Variants in ATRIP observed in about 807,000 individuals in gnomAD.
The protein encoded by ATRIP is ATR interacting protein.
ATRIP carries 44 observed loss-of-function variants against 78.1 expected under a neutral mutation model. That is an observed-to-expected ratio of 0.56 (90% confidence interval 0.44 to 0.72). ATRIP has a LOEUF of 0.72. ATRIP is among the 30% of genes least tolerant of loss of function. The pLI, the probability that ATRIP is intolerant of heterozygous loss-of-function variation, is 0.00. For synonymous variants in ATRIP, 388 were observed against 408.9 expected (o/e 0.95, Z 0.62); for missense variants, 927 against 980.2 (o/e 0.95, Z 0.72).
rs2039708014 is a variant in ATRIP at position 48,447,423 on chromosome 3, G to A, written c.247+331G>A. 3.9e-6 allele frequency: 4 copies of A among 1,035,320 alleles called. No individual in the cohort carries two copies. The Admixed American group carries it at 1.7e-4, about 44-fold the overall frequency. 64.1% of individuals were successfully genotyped at this position (1,035,320 alleles called of 1,614,324 possible). ...CACCATCAGAACCATCACTACCCAT[G>A]CATGGGGACCCATTCTTGTGACAAG... On this transcript the variant is annotated intron_variant, in intron 1 of 12. Coordinates refer to ENST00000320211, the MANE Select transcript of ATRIP (RefSeq NM_130384.3).
Position 48,460,152 on chromosome 3 carries a change from T to C in ATRIP, c.1098T>C (p.Tyr366=), listed in dbSNP as rs201840650. ...CAGGCCTCAGGACCACAGGTTCTTATGATGGGTCATTTTCCCTCTCAGCCC... is the reference window on the plus strand; with the variant it reads ...CAGGCCTCAGGACCACAGGTTCTTACGATGGGTCATTTTCCCTCTCAGCCC... ...GMSGLRTTGS[Y]DGSFSLSALR... is the part of the protein sequence containing the mutation. Residue 366 remains tyrosine (Y), a synonymous_variant, in exon 8 of 13, where the codon TAT becomes TAC. Transcript: ENST00000320211. 6.2e-6 allele frequency: 10 copies of C among 1,613,696 alleles called. No homozygotes were observed. Among genetic ancestry groups the C allele is most frequent in the African/African-American group, 1.3e-5 (1 of 74,918 alleles).
At position 48,464,894 on chromosome 3, in the gene ATRIP, C is replaced by G. The variant is rs778863017; in HGVS notation, c.2119C>G (p.Pro707Ala). ...GCTGACAGTGCGGAGGGCAGGGGGA[C>G]CCCCAAGGACCGACCAGCAGAGGCG... The part of the protein sequence containing the change: ...QWLTVRRAGG[P>A]PRTDQQRRTV... Residue 707 changes from proline (P) to alanine (A), a missense_variant, in exon 12 of 13, where the codon CCC (proline) becomes GCC (alanine). Pro to Ala is a conservative substitution (Grantham distance 27). Coordinates refer to ENST00000320211, the MANE Select transcript of ATRIP (RefSeq NM_130384.3). 6.2e-7 allele frequency: 1 copy of G among 1,613,972 alleles called. No homozygotes were observed. Among genetic ancestry groups the G allele is most frequent in the Non-Finnish European group, 8.5e-7 (1 of 1,179,932 alleles).
In ATRIP at chr3:48,465,619, T is replaced by C. The variant is rs1348398694; in HGVS notation, c.*65T>C. On this transcript the variant is annotated 3_prime_UTR_variant, in exon 13 of 13. Coordinates refer to ENST00000320211, the MANE Select transcript of ATRIP (RefSeq NM_130384.3). ...TCCTTTCCTTACCACATCAACTGAT[T>C]AAAGCAGTGACCAGCAGGAACTGCC... 5 of 1,485,312 alleles carry C rather than the reference T, an allele frequency of 3.4e-6. No homozygotes were observed. The highest frequency in any genetic ancestry group is 1.7e-5 in the Admixed American group (1 of 59,348). 92.0% of individuals were successfully genotyped at this position (1,485,312 alleles called of 1,614,324 possible). A position where few individuals can be genotyped will look rare whatever the true frequency, so the allele number is the denominator to read the frequency against.
chr3:48,459,853 A>G lies in ATRIP; in HGVS notation c.992A>G (p.His331Arg). 1.2e-6 allele frequency: 2 copies of G among 1,613,890 alleles called. No homozygotes were observed. The highest frequency in any genetic ancestry group is 1.7e-6 in the Non-Finnish European group (2 of 1,179,920). ...CCAGGGTCATCCCTAAGCCTTTGCC[A>G]CCTCCTGAGTAGTAGTTCTGAGTCT... Reference protein sequence around the residue: ...LIPGSSLSLCHLLSSSSESPA... With the variant: ...LIPGSSLSLCRLLSSSSESPA... The change falls in exon 7 of 13, where the codon CAC becomes CGC. Residue 331 changes from histidine (H) to arginine (R), a missense_variant. His to Arg is a conservative substitution (Grantham distance 29). Coordinates refer to ENST00000320211, the MANE Select transcript of ATRIP (RefSeq NM_130384.3).
chr3:48,446,874 AGAGGCGGAGCGAGCCCCCG>A lies in ATRIP; in HGVS notation c.31_49del (p.Arg12LeufsTer54). 1 of 1,402,198 alleles carries A rather than the reference AGAGGCGGAGCGAGCCCCCG, an allele frequency of 7.1e-7. No individual in the cohort carries two copies. Among genetic ancestry groups the A allele is most frequent in the Non-Finnish European group, 9.3e-7 (1 of 1,080,552 alleles). 86.9% of individuals were successfully genotyped at this position (1,402,198 alleles called of 1,614,324 possible). A position where few individuals can be genotyped will look rare whatever the true frequency, so the allele number is the denominator to read the frequency against. ...GCGGGGACCTCCGCGCCAGGCAGCAAGAGGCGGAGCGAGCCCCCGGCGCCTCGCCCCGGCCCGCCGCCGG... is the reference window on the plus strand; with the variant it reads ...GCGGGGACCTCCGCGCCAGGCAGCAAGCGCCTCGCCCCGGCCCGCCGCCGG... On this transcript the variant is annotated frameshift_variant, in exon 1 of 13. Transcript: ENST00000320211. LOFTEE classifies it high-confidence loss of function.
At chr3:48,450,489 G>T in intron 2 of ATRIP, 1 of 1,290,336 alleles carries the variant, frequency 7.7e-7, no homozygotes, top group Non-Finnish European at 1.0e-6. Context: ...ATTTTCATTA[G>T]CAGCTTTGCA....
chr3:48,448,161 C>CTTTTTT (rs34075060), intron 1 of ATRIP, among the ~76,000 whole-genome samples: 1 of 116,764 alleles, frequency 8.6e-6, no homozygotes, highest in Non-Finnish European at 1.7e-5. Context: ...CGTGAACACC[C>CTTTTTT]TTTTTTTTTT....
chr3:48,453,923 T>C (rs2039892687), intron 3 of ATRIP, among the ~76,000 whole-genome samples: 1 of 152,176 alleles, frequency 6.6e-6, no homozygotes, highest in Admixed American at 6.5e-5. Flanking sequence ...ATTCTTTTTT[T>C]TATTTTTTAA....
Position 48,453,002 on chromosome 3 carries a change from A to T in ATRIP, c.552+1103A>T, listed in dbSNP as rs144111817. On this transcript the variant is annotated intron_variant, in intron 3 of 12. Transcript: ENST00000320211. The stretch of plus-strand genomic sequence containing the variant: ...CAGGCTCAAGCAATCCTCCCATCTC[A>T]GCCTCCCAGGTAGCTGGAACTATAG... Among the ~76,000 whole-genome samples, 229 of 150,168 alleles carry T rather than the reference A, an allele frequency of 1.5e-3. 1 individual carries two copies. Among genetic ancestry groups the T allele is most frequent in the African/African-American group, 5.3e-3 (218 of 40,754 alleles).
intron 2 of ATRIP, chr3:48,450,415 G>T: frequency 9.5e-7 from 1 of 1,048,596 alleles, no homozygotes; most frequent in Admixed American, 2.2e-5. Flanking sequence ...CAAACTGTTA[G>T]GGTACTAAGA....
rs1274686449 is a variant in ATRIP at position 48,446,752 on chromosome 3, A to G, written c.-94A>G. The G allele has an allele frequency of 3.0e-6, 4 of 1,314,456 alleles. No homozygotes were observed. In the African/African-American group the frequency reaches 4.6e-5, roughly 15 times the overall value. The allele number at this position is 1,314,456 out of a possible 1,614,324, so 81.4% of individuals were successfully genotyped here. On this transcript the variant is annotated 5_prime_UTR_variant, in exon 1 of 13. Transcript: ENST00000320211. ...GGGGCGGGGCACTCGCGGCGGAGGCAAGCGGCGGCGCGCGGACGGTTGGTC... is the reference window on the plus strand; with the variant it reads ...GGGGCGGGGCACTCGCGGCGGAGGCGAGCGGCGGCGCGCGGACGGTTGGTC...
In ATRIP at chr3:48,460,618, A is replaced by G. The variant is rs374538550; in HGVS notation, c.1564A>G (p.Met522Val). ...SLVHRLSDGDMTSALRGVADD... is the reference protein window; with the variant it reads ...SLVHRLSDGDVTSALRGVADD... ...GGTTCACAGGCTTAGTGATGGAGAT[A>G]TGACCTCAGCCCTAAGGGGGGTTGC... Residue 522 changes from methionine to valine, a missense_variant, in exon 8 of 13, where the codon ATG (methionine) becomes GTG (valine). Coordinates refer to ENST00000320211, the MANE Select transcript of ATRIP (RefSeq NM_130384.3). 3.1e-6 allele frequency: 5 copies of G among 1,614,076 alleles called. No homozygotes were observed. In the African/African-American group the frequency reaches 6.7e-5, roughly 22 times the overall value.
chr3:48,464,893 AC>A lies in ATRIP; in HGVS notation c.2123del (p.Pro708GlnfsTer31). Reference protein sequence around the residue: ...QWLTVRRAGGPPRTDQQRRTV... With the variant: ...QWLTVRRAGGXPRTDQQRRTV... Reference sequence around the variant, plus strand: ...GGCTGACAGTGCGGAGGGCAGGGGGACCCCCAAGGACCGACCAGCAGAGGCG... The same window carrying A: ...GGCTGACAGTGCGGAGGGCAGGGGGACCCCAAGGACCGACCAGCAGAGGCG... On this transcript the variant is annotated frameshift_variant, in exon 12 of 13. Transcript: ENST00000320211. LOFTEE classifies it high-confidence loss of function. 6.2e-7 allele frequency: 1 copy of A among 1,613,640 alleles called. No homozygotes were observed. The highest frequency in any genetic ancestry group is 8.5e-7 in the Non-Finnish European group (1 of 1,179,850).
chr3:48,467,247 G>A lies in ATRIP; in HGVS notation c.*1693G>A, dbSNP rs1416519719. 3.7e-6 allele frequency: 6 copies of A among 1,614,134 alleles called. No homozygotes were observed. Among genetic ancestry groups the A allele is most frequent in the Non-Finnish European group, 4.2e-6 (5 of 1,180,022 alleles). Reference sequence around the variant, plus strand: ...GTCCCCTCCAGACTCGCACACGGCTGAGGGTGATGTCCTGGCCCTGCTCAG... The same window carrying A: ...GTCCCCTCCAGACTCGCACACGGCTAAGGGTGATGTCCTGGCCCTGCTCAG... On this transcript the variant is annotated 3_prime_UTR_variant, in exon 13 of 13. Coordinates refer to ENST00000320211, the MANE Select transcript of ATRIP (RefSeq NM_130384.3).
At chr3:48,463,395 C>T (rs1162840232) in intron 8 of ATRIP, among the ~76,000 whole-genome samples, 2 of 152,036 alleles carry the variant, frequency 1.3e-5, no homozygotes, top group East Asian at 3.8e-4. Flanking sequence ...GGGCACAGAA[C>T]ATTTCTCTCC....
chr3:48,459,658 C>T, intron 6 of ATRIP, 129 bp from the exon 7 acceptor site: 2 of 1,300,684 alleles, frequency 1.5e-6, no homozygotes, highest in Non-Finnish European at 2.1e-6. Flanking sequence ...CACCCACAGG[C>T]ATCTTCCTGG....
chr3:48,459,930 T>G lies in ATRIP; in HGVS notation c.1055+14T>G. ...AGGGTTTGGCAGGTAAGCATAAGACTCCTGGAAAGCTTGTTTGGGAAGGAG... is the reference window on the plus strand; with the variant it reads ...AGGGTTTGGCAGGTAAGCATAAGACGCCTGGAAAGCTTGTTTGGGAAGGAG... On this transcript the variant is annotated intron_variant, in intron 7 of 12. Transcript: ENST00000320211. The G allele has an allele frequency of 6.3e-7, 1 of 1,594,906 alleles. No homozygotes were observed. The highest frequency in any genetic ancestry group is 8.5e-7 in the Non-Finnish European group (1 of 1,174,896).
Position 48,459,166 on chromosome 3 carries a change from C to T in ATRIP, c.830-193C>T, listed in dbSNP as rs929647034. Among the ~76,000 whole-genome samples, 8 of 152,300 alleles carry T rather than the reference C, an allele frequency of 5.3e-5. No homozygotes were observed. In the South Asian group the frequency reaches 1.7e-3, roughly 32 times the overall value. On this transcript the variant is annotated intron_variant, in intron 5 of 12. Transcript: ENST00000320211. ...GAGGCAAACAGCTTGATTTTCTTTT[C>T]CTTTCCTTGTATGAGTTCCTGTTTT...
At chr3:48,452,070 A>G (rs2039850403) in intron 3 of ATRIP, among the ~76,000 whole-genome samples, 171 bp downstream of exon 3, 1 of 152,244 alleles carries the variant, frequency 6.6e-6, no homozygotes, top group Non-Finnish European at 1.5e-5. Context: ...TATTTTGGAA[A>G]GGGATTTAGA....
Sources: gnomAD v4.1 joint callset for allele counts (sites outside exome capture counted in the v4.1 genomes callset) on GRCh38, gnomAD v4.1.1 for gene constraint, MANE v1.5 for transcripts, NCBI Gene and HGNC (gene_info 2026-07-23, HGNC 2026-07-21) for gene names.